Variants in CCDC149 observed in about 807,000 individuals in gnomAD.
CCDC149 encodes the protein coiled-coil domain-containing protein 149.
CCDC149 carries 45 observed loss-of-function variants against 59.9 expected under a neutral mutation model. The ratio of observed to expected loss-of-function variants is 0.75; its 90% confidence interval spans 0.59 to 0.96. The LOEUF (loss-of-function observed/expected upper bound fraction) is 0.96, where lower values mean the gene tolerates loss of function less well. Among genes scored for constraint, CCDC149 ranks in the 40% least tolerant of loss-of-function variants. The probability of loss-of-function intolerance (pLI) is 0.00; values close to 1 mark genes in which losing one functional copy is unlikely to be tolerated. For missense variants in CCDC149, 584 were observed against 664.7 expected (o/e 0.88, Z 1.33); for synonymous variants, 245 against 260.6 (o/e 0.94, Z 0.58).
chr4:24,844,132 C>A (rs1208392502), intron 4 of CCDC149, among the ~76,000 whole-genome samples: 3 of 152,110 alleles, frequency 2.0e-5, no homozygotes, highest in African/African-American at 4.8e-5. Flanking sequence ...CACTGCCCTG[C>A]CTCTCTGTCT....
rs376638608 is a variant in CCDC149, at chr4:24,861,438, G to T, written c.265-8259C>A. Among the ~76,000 whole-genome samples, 3 of 152,202 alleles carry T rather than the reference G, an allele frequency of 2.0e-5. No homozygotes were observed. The East Asian group carries it at 5.8e-4, about 29-fold the overall frequency. On this transcript the variant is annotated intron_variant, in intron 3 of 12. Coordinates refer to ENST00000635206, the MANE Select transcript of CCDC149 (RefSeq NM_001330643.2). ...TGATATGTGGGAGTTAAGCTATGAG[G>T]ACACAAAGGCATAAGAATGAAACAA...
intron 1 of CCDC149, among the ~76,000 whole-genome samples, chr4:24,949,776 T>C (rs1723227746): frequency 6.6e-6 from 1 of 152,170 alleles, no homozygotes; most frequent in African/African-American, 2.4e-5. Flanking sequence ...ATTGTGGAGT[T>C]AGGATCTAAT....
intron 12 of CCDC149, among the ~76,000 whole-genome samples, chr4:24,813,525 TATAA>T (rs1229702581): frequency 1.2e-5 from 1 of 83,002 alleles, no homozygotes; most frequent in African/African-American, 4.1e-5. Flanking sequence ...TATATATATA[TATAA>T]AACCTAAAAA....
At chr4:24,832,754 C>A (rs1430772803) in intron 8 of CCDC149, among the ~76,000 whole-genome samples, 1 of 152,172 alleles carries the variant, frequency 6.6e-6, no homozygotes, top group Non-Finnish European at 1.5e-5. Flanking sequence ...TCCTTTATCC[C>A]AAATTCCATA....
At position 24,946,108 on chromosome 4, in the gene CCDC149, G is replaced by A. The variant is rs1723103391; in HGVS notation, c.-65+33961C>T. On this transcript the variant is annotated intron_variant, in intron 1 of 12. Coordinates refer to the CCDC149 transcript ENST00000389609. ...AGTCAAAGATAGACACACCACCCTTGCTTGACCAATCACTCTCTCTTCTGG... is the reference window on the plus strand; with the variant it reads ...AGTCAAAGATAGACACACCACCCTTACTTGACCAATCACTCTCTCTTCTGG... Among the ~76,000 whole-genome samples, 3 of 152,180 alleles carry A rather than the reference G, an allele frequency of 2.0e-5. No homozygotes were observed. The South Asian group carries it at 6.2e-4, about 31-fold the overall frequency.
At chr4:24,833,448 A>AC (rs1041998105) in intron 8 of CCDC149, among the ~76,000 whole-genome samples, 19 of 152,006 alleles carry the variant, frequency 1.2e-4, no homozygotes, top group African/African-American at 4.4e-4. Context: ...ACACAGTGGA[A>AC]CCCCGTCTCT....
intron 1 of CCDC149, among the ~76,000 whole-genome samples, chr4:24,892,697 G>A (rs1224017772): frequency 6.6e-6 from 1 of 152,200 alleles, no homozygotes; most frequent in Non-Finnish European, 1.5e-5. Context: ...ATACTGTCCA[G>A]TGAGATGGAA....
At chr4:24,896,336 A>C (rs530915375) in intron 1 of CCDC149, among the ~76,000 whole-genome samples, 2 of 152,340 alleles carry the variant, frequency 1.3e-5, no homozygotes, top group East Asian at 3.9e-4. Context: ...AGAGTGCCTG[A>C]GACACAGTAA....
chr4:24,952,205 C>G (rs1486099988), intron 1 of CCDC149, among the ~76,000 whole-genome samples: 3 of 152,150 alleles, frequency 2.0e-5, no homozygotes, highest in African/African-American at 7.2e-5. Context: ...ACGCCTCAAA[C>G]CTTCGGCTTT....
chr4:24,906,400 A>ATTTTATTTTATTTTATTTTG (rs75021240), intron 1 of CCDC149, among the ~76,000 whole-genome samples: 1,744 of 38,942 alleles, frequency 0.045, 76 homozygotes, highest in Middle Eastern at 0.059. Context: ...ATTTTATTTT[A>ATTTTATTTTATTTTATTTTG]TTTTATTTTA....
intron 1 of CCDC149, among the ~76,000 whole-genome samples, chr4:24,973,198 T>C (rs1013858462): frequency 7.2e-5 from 11 of 152,236 alleles, no homozygotes; most frequent in African/African-American, 2.4e-4. Context: ...ATGTATTGAC[T>C]GAAGTCTTAT....
intron 9 of CCDC149, 76 bp downstream of exon 9, chr4:24,831,430 G>T: frequency 6.7e-7 from 1 of 1,499,072 alleles, no homozygotes; most frequent in Non-Finnish European, 9.2e-7. Flanking sequence ...CGTTCCAGCT[G>T]GTTGACATTC....
intron 1 of CCDC149, among the ~76,000 whole-genome samples, chr4:24,952,408 A>G (rs573203360): frequency 2.5e-4 from 38 of 151,618 alleles, no homozygotes; most frequent in African/African-American, 8.7e-4. Flanking sequence ...TCTGGCCAAC[A>G]TGGTGAAACC....
intron 1 of CCDC149, among the ~76,000 whole-genome samples, chr4:24,897,872 T>C (rs1377513030): frequency 1.3e-5 from 2 of 152,196 alleles, no homozygotes; most frequent in Non-Finnish European, 2.9e-5. Flanking sequence ...CCTGCATGCA[T>C]GCTGCAAAGT....
chr4:24,816,475 G>T (rs800452), intron 12 of CCDC149, among the ~76,000 whole-genome samples: 3 of 151,792 alleles, frequency 2.0e-5, no homozygotes, highest in African/African-American at 7.3e-5. Flanking sequence ...TGTCACAAGC[G>T]TTGAGCTATC....
At chr4:24,885,570 A>G (rs530063388) in intron 1 of CCDC149, among the ~76,000 whole-genome samples, 50 of 152,346 alleles carry the variant, frequency 3.3e-4, no homozygotes, top group African/African-American at 1.1e-3. Context: ...CCGGAATCAC[A>G]TCAGTGGGCG....
chr4:24,876,104 C>A (rs1719403150), intron 2 of CCDC149, among the ~76,000 whole-genome samples: 1 of 152,008 alleles, frequency 6.6e-6, no homozygotes, highest in Non-Finnish European at 1.5e-5. Context: ...ACTCGCTAGT[C>A]ACTTAGGAGC....
intron 12 of CCDC149, among the ~76,000 whole-genome samples, chr4:24,809,610 G>C (rs1198075016): frequency 2.0e-5 from 3 of 152,212 alleles, no homozygotes; most frequent in Non-Finnish European, 4.4e-5. Context: ...TAGTACCCGG[G>C]CATGTGCATT....
At chr4:24,956,298 C>T (rs1723463965) in intron 1 of CCDC149, among the ~76,000 whole-genome samples, 1 of 152,064 alleles carries the variant, frequency 6.6e-6, no homozygotes, top group Admixed American at 6.5e-5. Context: ...AACTCACCCT[C>T]TCAGTGACCC....
Sources: allele counts gnomAD v4.1 joint callset (sites outside exome capture counted in the v4.1 genomes callset), GRCh38; gene constraint gnomAD v4.1.1; transcripts MANE v1.5; gene names NCBI Gene and HGNC (gene_info 2026-07-23, HGNC 2026-07-21).